IGSF21: variants seen among roughly 807,000 people sequenced by gnomAD.
IGSF21 encodes immunoglobin superfamily member 21.
IGSF21 carries 28 observed loss-of-function variants against 46.8 expected under a neutral mutation model. That is an observed-to-expected ratio of 0.60 (90% CI 0.44 to 0.82). The LOEUF is 0.82. Ranked by LOEUF, IGSF21 falls within the 40% of genes least tolerant of loss-of-function variation. The probability of loss-of-function intolerance (pLI) is 0.00; values close to 1 mark genes in which losing one functional copy is unlikely to be tolerated. For synonymous variants in IGSF21, 284 were observed against 273.6 expected, an observed-to-expected ratio of 1.04 and a Z score of -0.38; for missense variants, 624 against 665.5, an observed-to-expected ratio of 0.94 and a Z score of 0.69.
intron 1 of IGSF21, among the ~76,000 whole-genome samples, chr1:18,142,595 C>A (rs1006993196): frequency 2.0e-5 from 3 of 152,212 alleles, no homozygotes; most frequent in Non-Finnish European, 4.4e-5. Context: ...CCCAACCAGG[C>A]CTCAGCTGAG....
rs140014368 is a variant in IGSF21 at position 18,203,348 on chromosome 1, G to A, written c.71-24550G>A. 1.3e-3 allele frequency among the ~76,000 whole-genome samples: 192 copies of A among 152,118 alleles called. 1 individual carries two copies. The highest frequency in any genetic ancestry group is 2.3e-3 in the Non-Finnish European group (153 of 67,988). On this transcript the variant is annotated intron_variant, in intron 1 of 9. Coordinates refer to ENST00000251296, the MANE Select transcript of IGSF21 (RefSeq NM_032880.5). ...GTTTGAGACCGAGTCTCCCTCTGTCGCCAAGGCTGGAGTGCAGTGGCGCGA... is the reference window on the plus strand; with the variant it reads ...GTTTGAGACCGAGTCTCCCTCTGTCACCAAGGCTGGAGTGCAGTGGCGCGA...
At chr1:18,172,944 A>C (rs2086753964) in intron 1 of IGSF21, among the ~76,000 whole-genome samples, 1 of 152,186 alleles carries the variant, frequency 6.6e-6, no homozygotes, top group Non-Finnish European at 1.5e-5. Flanking sequence ...AAGTCATCTT[A>C]CTATCCTACT....
intron 2 of IGSF21, 28 bp from the exon 3 acceptor site, chr1:18,291,838 G>T (rs746751371): frequency 1.2e-6 from 2 of 1,611,740 alleles, no homozygotes; most frequent in Admixed American, 1.7e-5. Context: ...GAGCACTCAC[G>T]TGTGGCTATC....
rs146877078 is a variant in IGSF21, at chr1:18,134,813, A to G, written c.70+26615A>G. On this transcript the variant is annotated intron_variant, in intron 1 of 9. Transcript: ENST00000251296. The stretch of plus-strand genomic sequence containing the variant: ...CTGTGGCTGGCTCCTCCCCGACTCA[A>G]CCTGCTCAGACCGGGGCCTCAGTCA... Among the ~76,000 whole-genome samples, 881 of 152,338 alleles carry G rather than the reference A, an allele frequency of 5.8e-3. 12 individuals carry two copies. The highest frequency in any genetic ancestry group is 0.02 in the African/African-American group (849 of 41,570).
At chr1:18,225,583 A>G (rs1334334637) in intron 1 of IGSF21, among the ~76,000 whole-genome samples, 4 of 152,170 alleles carry the variant, frequency 2.6e-5, no homozygotes, top group African/African-American at 4.8e-5. Context: ...GAGGACCTTC[A>G]TGAGCCTTGA....
intron 1 of IGSF21, among the ~76,000 whole-genome samples, chr1:18,155,099 C>T (rs1412324910): frequency 6.6e-6 from 1 of 151,988 alleles, no homozygotes; most frequent in African/African-American, 2.4e-5. Flanking sequence ...TAGATTCTAG[C>T]CAGTCACAAG....
chr1:18,183,674 G>A (rs144657541), intron 1 of IGSF21, among the ~76,000 whole-genome samples: 200 of 152,322 alleles, frequency 1.3e-3, no homozygotes, highest in African/African-American at 4.4e-3. Context: ...GTCAGCTTGC[G>A]TGAGTTGGGC....
rs564012309 is a variant in IGSF21, at chr1:18,214,046, C to T, written c.71-13852C>T. ...CTACAAAGGGCCATAGAACAGCCTT[C>T]CCAAGTCTTATTAATAGTATAAGCA... On this transcript the variant is annotated intron_variant, in intron 1 of 9. Transcript: ENST00000251296. Among the ~76,000 whole-genome samples the T allele has an allele frequency of 5.3e-5, 8 of 152,226 alleles. No individual in the cohort carries two copies. In the East Asian group the frequency reaches 1.5e-3, roughly 29 times the overall value.
chr1:18,154,014 C>A (rs1209739596), intron 1 of IGSF21, among the ~76,000 whole-genome samples: 1 of 152,162 alleles, frequency 6.6e-6, no homozygotes, highest in Non-Finnish European at 1.5e-5. Context: ...GTTCCTAGGT[C>A]TCACCACCTT....
At chr1:18,127,421 A>G (rs1380199036) in intron 1 of IGSF21, among the ~76,000 whole-genome samples, 1 of 152,106 alleles carries the variant, frequency 6.6e-6, no homozygotes, top group African/African-American at 2.4e-5. Flanking sequence ...TCATGAGGAA[A>G]GAGTCCTGGC....
At position 18,337,939 on chromosome 1, in the gene IGSF21, T is replaced by C. The variant is rs1474298817; in HGVS notation, c.424+2929T>C. Among the ~76,000 whole-genome samples the C allele has an allele frequency of 6.6e-6, 1 of 152,134 alleles. No individual in the cohort carries two copies. Among genetic ancestry groups the C allele is most frequent in the African/African-American group, 2.4e-5 (1 of 41,440 alleles). ...GGGTTATCTCTGTGCCAGAGGAGCG[T>C]GGCTTCTGTAGCTCACCAAGGTCCT... On this transcript the variant is annotated intron_variant, in intron 4 of 9. Transcript: ENST00000251296. The surrounding 1 kb of genome is among the most constrained non-coding windows in gnomAD (Gnocchi z 5.7).
chr1:18,322,382 A>G lies in IGSF21; in HGVS notation c.306-12510A>G, dbSNP rs1029690870. On this transcript the variant is annotated intron_variant, in intron 3 of 9. Transcript: ENST00000251296. This position sits in a 1 kb window ranked among gnomAD's most constrained non-coding sequence, Gnocchi z 4.3. The stretch of plus-strand genomic sequence containing the variant: ...CCGTCTTCCCTCTTCTGGTGGAGGC[A>G]GGCTTGGTTCCAACAGGCTTGGGGC... 9.9e-5 allele frequency among the ~76,000 whole-genome samples: 15 copies of G among 152,120 alleles called. No homozygotes were observed. Among genetic ancestry groups the G allele is most frequent in the African/African-American group, 3.4e-4 (14 of 41,434 alleles).
intron 1 of IGSF21, among the ~76,000 whole-genome samples, chr1:18,192,376 C>G (rs1344878504): frequency 6.6e-6 from 1 of 152,232 alleles, no homozygotes; most frequent in Non-Finnish European, 1.5e-5. Flanking sequence ...CCTCAGTTTT[C>G]TCATCTGCAA....
Position 18,365,848 on chromosome 1 carries a change from G to T in IGSF21, c.1015+151G>T. 2.9e-6 allele frequency: 2 copies of T among 682,912 alleles called. No individual in the cohort carries two copies. Among genetic ancestry groups the T allele is most frequent in the Non-Finnish European group, 2.4e-6 (1 of 410,580 alleles). The allele number at this position is 682,912 out of a possible 1,614,324, so 42.3% of individuals were successfully genotyped here. A position where few individuals can be genotyped will look rare whatever the true frequency, so the allele number is the denominator to read the frequency against. ...AGGATGAGCACAAATGGTAGAGTCA[G>T]GTTCTTAGGGAGGTTTGCTGAGCTG... is the stretch of plus-strand genomic sequence containing the variant. On this transcript the variant is annotated intron_variant, in intron 6 of 9. Transcript: ENST00000251296. This position sits in a 1 kb window ranked among gnomAD's most constrained non-coding sequence, Gnocchi z 4.8.
intron 1 of IGSF21, among the ~76,000 whole-genome samples, chr1:18,212,329 A>G (rs747967442): frequency 6.6e-6 from 1 of 152,196 alleles, no homozygotes; most frequent in African/African-American, 2.4e-5. Context: ...AGCTGTCCCC[A>G]GGTCTGTCTG....
chr1:18,232,019 C>T (rs1160753803), intron 2 of IGSF21, among the ~76,000 whole-genome samples: 1 of 148,956 alleles, frequency 6.7e-6, no homozygotes, highest in African/African-American at 2.5e-5. Flanking sequence ...TCTTTGAAAA[C>T]ATAAAGATGT....
intron 1 of IGSF21, among the ~76,000 whole-genome samples, chr1:18,157,654 C>T (rs924822972): frequency 1.3e-5 from 2 of 152,222 alleles, no homozygotes; most frequent in African/African-American, 4.8e-5. Context: ...AGCCCGTCTT[C>T]CTCCCAGCTG....
chr1:18,110,226 T>C (rs2086130409), intron 1 of IGSF21: 1 of 152,158 alleles, frequency 6.6e-6, no homozygotes, highest in Non-Finnish European at 1.5e-5. Context: ...ATGGGAAACT[T>C]TCCGCGTCTG....
Position 18,212,930 on chromosome 1 carries a change from C to T in IGSF21, c.71-14968C>T, listed in dbSNP as rs575611281. Reference sequence around the variant, plus strand: ...TGACCACAGGCTGTCAGATGAAAGACGGTCAGGGAAAAGACACTAGTATGG... The same window carrying T: ...TGACCACAGGCTGTCAGATGAAAGATGGTCAGGGAAAAGACACTAGTATGG... On this transcript the variant is annotated intron_variant, in intron 1 of 9. Coordinates refer to ENST00000251296, the MANE Select transcript of IGSF21 (RefSeq NM_032880.5). Among the ~76,000 whole-genome samples, 44 of 152,338 alleles carry T rather than the reference C, an allele frequency of 2.9e-4. No homozygotes were observed. The South Asian group carries it at 4.4e-3, about 15-fold the overall frequency.
Sources: gnomAD v4.1 joint callset for allele counts (sites outside exome capture counted in the v4.1 genomes callset) on GRCh38, gnomAD v4.1.1 for gene constraint, Gnocchi (gnomAD v3.1) non-coding constraint, MANE v1.5 for transcripts, NCBI Gene and HGNC (gene_info 2026-07-23, HGNC 2026-07-21) for gene names.